MATCAP2: variants seen among roughly 807,000 people sequenced by gnomAD.
MATCAP2 encodes microtubule associated tyrosine carboxypeptidase 2.
At chr7:36,364,822 C>T in the MATCAP2 span, among the ~76,000 whole-genome samples, 3 of 152,172 alleles carry the variant, frequency 2.0e-5, no homozygotes, top group Middle Eastern at 3.4e-3. Flanking sequence ...TTATTTCAAG[C>T]AGTTAAGTAT....
the MATCAP2 span, chr7:36,368,378 TTG>T: frequency 7.2e-5 from 11 of 152,266 alleles, no homozygotes; most frequent in Non-Finnish European, 1.6e-4. Context: ...TTGTGAGAAA[TTG>T]TGTCTTTTTC....
At chr7:36,352,813 A>G in the MATCAP2 span, among the ~76,000 whole-genome samples, 5 of 149,472 alleles carry the variant, frequency 3.3e-5, no homozygotes, top group Non-Finnish European at 5.9e-5. Flanking sequence ...CAACAGAGTG[A>G]GACTCCCATC....
chr7:36,348,749 T>C, the MATCAP2 span, among the ~76,000 whole-genome samples: 4 of 152,092 alleles, frequency 2.6e-5, no homozygotes, highest in South Asian at 2.1e-4. Flanking sequence ...TGTGAGATCA[T>C]TGAAAAAAGG....
At chr7:36,346,773 T>G in the MATCAP2 span, among the ~76,000 whole-genome samples, 2 of 152,222 alleles carry the variant, frequency 1.3e-5, no homozygotes, top group African/African-American at 4.8e-5. Flanking sequence ...TTTATTTTAC[T>G]TTTTTGAGAC....
chr7:36,388,681 C>T, the MATCAP2 span, among the ~76,000 whole-genome samples: 1 of 152,132 alleles, frequency 6.6e-6, no homozygotes, highest in Non-Finnish European at 1.5e-5. Flanking sequence ...AAAGAATAAG[C>T]AGGAGACACA....
the MATCAP2 span, chr7:36,357,209 T>C: frequency 1.2e-6 from 2 of 1,614,184 alleles, no homozygotes; most frequent in Admixed American, 3.3e-5. Context: ...AGAGATATCA[T>C]GTGTAAACTT....
the MATCAP2 span, among the ~76,000 whole-genome samples, chr7:36,350,812 G>C: frequency 5.3e-5 from 8 of 152,074 alleles, no homozygotes; most frequent in Non-Finnish European, 8.8e-5. Context: ...AACTGACTTG[G>C]GTATCAATGT....
the MATCAP2 span, among the ~76,000 whole-genome samples, chr7:36,350,644 CTCAA>C: frequency 1.3e-5 from 2 of 151,302 alleles, no homozygotes; most frequent in Admixed American, 6.6e-5. Context: ...AAGCAATTCT[CTCAA>C]TCCTCATCTC....
the MATCAP2 span, among the ~76,000 whole-genome samples, chr7:36,382,456 T>C: frequency 6.6e-6 from 1 of 152,148 alleles, no homozygotes; most frequent in Non-Finnish European, 1.5e-5. Context: ...GTGACTTCTA[T>C]GATATCACTA....
At chr7:36,324,714 G>GCTAA in the MATCAP2 span, 3 of 152,278 alleles carry the variant, frequency 2.0e-5, 1 homozygote, top group South Asian at 6.2e-4. Context: ...TTGGTTCACT[G>GCTAA]CTAACTTTTA....
the MATCAP2 span, among the ~76,000 whole-genome samples, chr7:36,379,454 A>G: frequency 6.6e-6 from 1 of 152,120 alleles, no homozygotes; most frequent in Non-Finnish European, 1.5e-5. Flanking sequence ...ATAACCATGC[A>G]TGTGTGTGTC....
chr7:36,342,486 G>A, the MATCAP2 span, among the ~76,000 whole-genome samples: 1 of 152,192 alleles, frequency 6.6e-6, no homozygotes, highest in Non-Finnish European at 1.5e-5. Context: ...CTAAGCTCAG[G>A]AGCCTGGACC....
At chr7:36,381,988 G>A in the MATCAP2 span, among the ~76,000 whole-genome samples, 5 of 152,074 alleles carry the variant, frequency 3.3e-5, no homozygotes, top group African/African-American at 4.8e-5. Flanking sequence ...ACATTCTCTT[G>A]TATCAAATTT....
the MATCAP2 span, among the ~76,000 whole-genome samples, chr7:36,381,037 G>A: frequency 6.6e-6 from 1 of 152,148 alleles, no homozygotes; most frequent in Non-Finnish European, 1.5e-5. Context: ...TCTTAGAAAA[G>A]GGTATGGTAG....
the MATCAP2 span, among the ~76,000 whole-genome samples, chr7:36,339,779 G>A: frequency 6.6e-6 from 1 of 152,192 alleles, no homozygotes; most frequent in South Asian, 2.1e-4. Context: ...ATATTGAACT[G>A]TGAAGACTTA....
At chr7:36,335,121 C>T in the MATCAP2 span, 1 of 1,613,888 alleles carries the variant, frequency 6.2e-7, no homozygotes, top group Non-Finnish European at 8.5e-7. Context: ...GTCGGACATC[C>T]ATTTACTACT....
the MATCAP2 span, among the ~76,000 whole-genome samples, chr7:36,360,083 C>A: frequency 6.6e-6 from 1 of 152,046 alleles, no homozygotes; most frequent in Admixed American, 6.5e-5. Context: ...AAATTAAAAT[C>A]AATAAATAAG....
the MATCAP2 span, among the ~76,000 whole-genome samples, chr7:36,348,058 T>TA: frequency 2.0e-5 from 3 of 152,200 alleles, no homozygotes; most frequent in Non-Finnish European, 4.4e-5. Flanking sequence ...ATGAATATAA[T>TA]ATTCTATGTC....
At chr7:36,384,294 C>T in the MATCAP2 span, among the ~76,000 whole-genome samples, 1 of 152,110 alleles carries the variant, frequency 6.6e-6, no homozygotes, top group African/African-American at 2.4e-5. Flanking sequence ...TGGTTCTATT[C>T]TTAAATTAAT....
Sources: allele counts gnomAD v4.1 joint callset (sites outside exome capture counted in the v4.1 genomes callset), GRCh38; gene constraint gnomAD v4.1.1; transcripts MANE v1.5; gene names NCBI Gene and HGNC (gene_info 2026-07-23, HGNC 2026-07-21).